Variants in RANGAP1 observed in about 807,000 individuals in gnomAD.
RANGAP1 encodes Ran GTPase activating protein 1.
Under a neutral mutation model 63.5 loss-of-function variants are expected in RANGAP1, and 38 were observed. The observed-to-expected ratio is 0.60, with a 90% CI of 0.46 to 0.78. RANGAP1 has a LOEUF of 0.78. RANGAP1 is among the 30% of genes least tolerant of loss of function. The probability of loss-of-function intolerance (pLI) is 0.00; values close to 1 mark genes in which losing one functional copy is unlikely to be tolerated. For synonymous variants in RANGAP1, 329 were observed against 310.5 expected, an observed-to-expected ratio of 1.06 and a Z score of -0.63; for missense variants, 630 against 740.3, an observed-to-expected ratio of 0.85 and a Z score of 1.73.
chr22:41,246,886 G>A (rs2145659033), intron 15 of RANGAP1, among the ~76,000 whole-genome samples: 1 of 152,316 alleles, frequency 6.6e-6, no homozygotes, highest in African/African-American at 2.4e-5. Flanking sequence ...GCCCAGAGCT[G>A]GCCAGAATGA....
At chr22:41,291,398 C>G in the RANGAP1 span, among the ~76,000 whole-genome samples, 174 of 151,438 alleles carry the variant, frequency 1.1e-3, 1 homozygote, top group Non-Finnish European at 2.3e-3. Flanking sequence ...GAGTTCAAGA[C>G]CAGCCTGACC....
At chr22:41,261,125 G>A (rs1462491758) in intron 6 of RANGAP1, among the ~76,000 whole-genome samples, 6 of 152,158 alleles carry the variant, frequency 3.9e-5, no homozygotes, top group African/African-American at 7.2e-5. Context: ...GTCAGCACTC[G>A]CACCATCTCA....
chr22:41,294,541 C>T, the RANGAP1 span, among the ~76,000 whole-genome samples: 17 of 147,186 alleles, frequency 1.2e-4, no homozygotes, highest in Non-Finnish European at 2.6e-4. Context: ...AGCCCCTCTG[C>T]CTGGCTGCCC....
intron 1 of RANGAP1, chr22:41,284,952 G>A (rs1480286247): frequency 6.6e-6 from 1 of 151,996 alleles, no homozygotes; most frequent in Non-Finnish European, 1.5e-5. Flanking sequence ...TTTAGACCAG[G>A]GTTCGAGACA....
At chr22:41,282,056 A>G (rs1196172469) in intron 1 of RANGAP1, 1 of 152,180 alleles carries the variant, frequency 6.6e-6, no homozygotes, top group African/African-American at 2.4e-5. Flanking sequence ...CCCCGGAGAC[A>G]GAGGCTACAG....
chr22:41,255,172 G>A (rs1601607685), intron 10 of RANGAP1, among the ~76,000 whole-genome samples: 1 of 152,076 alleles, frequency 6.6e-6, no homozygotes, highest in Non-Finnish European at 1.5e-5. Context: ...CTACAGGTGT[G>A]GGGGAGGAAG....
chr22:41,278,580 T>C (rs1476804382), intron 2 of RANGAP1, among the ~76,000 whole-genome samples: 1 of 152,244 alleles, frequency 6.6e-6, no homozygotes, highest in Non-Finnish European at 1.5e-5. Flanking sequence ...AATGTCTAAT[T>C]AGAAGCACAG....
chr22:41,260,754 G>A (rs1433215399), intron 6 of RANGAP1, among the ~76,000 whole-genome samples: 1 of 152,136 alleles, frequency 6.6e-6, no homozygotes, highest in Non-Finnish European at 1.5e-5. Flanking sequence ...GGCTGAGGCA[G>A]AACTGCTTGA....
intron 5 of RANGAP1, 53 bp from the exon 6 acceptor site, chr22:41,261,633 C>A: frequency 1.2e-6 from 2 of 1,611,072 alleles, no homozygotes; most frequent in Non-Finnish European, 1.7e-6. Flanking sequence ...CTTCTCCCAG[C>A]GGGGTGGCCA....
intron 11 of RANGAP1, among the ~76,000 whole-genome samples, chr22:41,253,824 T>C (rs2033637094): frequency 6.6e-6 from 1 of 152,214 alleles, no homozygotes. Context: ...TAGGTAACTA[T>C]GGCTGGGCCC....
the RANGAP1 span, among the ~76,000 whole-genome samples, chr22:41,295,696 TA>T: frequency 0.31 from 37,647 of 121,974 alleles, 5,225 homozygotes; most frequent in Admixed American, 0.42. Flanking sequence ...AATGATCAAT[TA>T]AAAAAAAAAA....
chr22:41,298,788 C>T, the RANGAP1 span, among the ~76,000 whole-genome samples: 7 of 152,122 alleles, frequency 4.6e-5, no homozygotes, highest in Admixed American at 1.3e-4. Flanking sequence ...TGTACCCCAT[C>T]GAGTACAGTA....
At chr22:41,253,388 C>A (rs1234808157) in intron 11 of RANGAP1, among the ~76,000 whole-genome samples, 1 of 152,246 alleles carries the variant, frequency 6.6e-6, no homozygotes, top group Non-Finnish European at 1.5e-5. Flanking sequence ...AGAGGAAAAA[C>A]TGAATTGAGG....
At chr22:41,267,602 C>T (rs949487472) in intron 4 of RANGAP1, among the ~76,000 whole-genome samples, 2 of 152,164 alleles carry the variant, frequency 1.3e-5, no homozygotes, top group Admixed American at 6.6e-5. Flanking sequence ...CCAAGCCAGT[C>T]TGAGCCCTGG....
intron 12 of RANGAP1, among the ~76,000 whole-genome samples, chr22:41,252,230 A>C (rs751372613): frequency 2.0e-5 from 3 of 152,136 alleles, no homozygotes; most frequent in Non-Finnish European, 4.4e-5. Flanking sequence ...TGAACCCAGG[A>C]GGCAGAGTCT....
Position 41,246,401 on chromosome 22 carries a change from C to G in RANGAP1, c.*202G>C. ...TGGGCCAGCAGAAGACGTTAAAACC[C>G]AAATCCCGACAGGAGGCACAGACCT... On this transcript the variant is annotated 3_prime_UTR_variant, in exon 16 of 16. Coordinates refer to ENST00000356244, the MANE Select transcript of RANGAP1 (RefSeq NM_002883.4). The G allele has an allele frequency of 1.8e-6, 1 of 563,740 alleles. No individual in the cohort carries two copies. The highest frequency in any genetic ancestry group is 3.1e-6 in the Non-Finnish European group (1 of 320,308). 34.9% of individuals were successfully genotyped at this position (563,740 alleles called of 1,614,324 possible).
chr22:41,264,964 A>G (rs577203870), intron 4 of RANGAP1, 121 bp from the exon 5 acceptor site: 5 of 920,622 alleles, frequency 5.4e-6, no homozygotes, highest in Non-Finnish European at 6.6e-6. Context: ...GAACCAACAC[A>G]GACACAAACC....
the RANGAP1 span, among the ~76,000 whole-genome samples, chr22:41,301,995 C>T: frequency 2.0e-5 from 3 of 152,116 alleles, no homozygotes; most frequent in Non-Finnish European, 4.4e-5. Context: ...TTTTGGGGAT[C>T]CCGGTCCCCG....
chr22:41,259,760 T>C (rs1008942172), intron 6 of RANGAP1, among the ~76,000 whole-genome samples: 2 of 152,224 alleles, frequency 1.3e-5, no homozygotes, highest in African/African-American at 4.8e-5. Context: ...CCCAGCACTT[T>C]AGGAGGCCAA....
Sources: allele counts gnomAD v4.1 joint callset (sites outside exome capture counted in the v4.1 genomes callset), GRCh38; gene constraint gnomAD v4.1.1; transcripts MANE v1.5; gene names NCBI Gene and HGNC (gene_info 2026-07-23, HGNC 2026-07-21).